Variants in VARS2 observed in about 807,000 individuals in gnomAD.
VARS2 encodes valine--tRNA ligase, mitochondrial.
In VARS2, 105 loss-of-function variants were observed where a neutral mutation model predicts 154.1. That is an observed-to-expected ratio of 0.68 (90% CI 0.58 to 0.80). VARS2 has a LOEUF of 0.80. Among genes scored for constraint, VARS2 ranks in the 30% least tolerant of loss-of-function variants. The probability of loss-of-function intolerance (pLI) is 0.00; values close to 1 mark genes in which losing one functional copy is unlikely to be tolerated. For missense variants in VARS2, 1,157 were observed against 1,361.4 expected, an observed-to-expected ratio of 0.85 and a Z score of 2.36; for synonymous variants, 483 against 539.5, an observed-to-expected ratio of 0.90 and a Z score of 1.45.
rs755655699 is a variant in VARS2 at position 30,925,971 on chromosome 6, C to T, written c.3053C>T (p.Pro1018Leu). 1.1e-5 allele frequency: 18 copies of T among 1,612,944 alleles called. No homozygotes were observed. Among genetic ancestry groups the T allele is most frequent in the African/African-American group, 2.7e-5 (2 of 74,912 alleles). Residue 1018 changes from proline to leucine, a missense_variant, in exon 29 of 30, where the codon CCA becomes CTA. By Grantham distance (98) the Pro-to-Leu change is moderately conservative. Transcript: ENST00000676266. ...KQLDSLTART[P>L]SEGEAGTQRQ... ...CTTGACAGCCTCACAGCCAGGACCC[C>T]ATCAGAAGGGGAGGCAGGGACTCAG... is the stretch of plus-strand genomic sequence containing the variant.
chr6:30,919,256 G>A lies in VARS2; in HGVS notation c.1074+341G>A. 1 of 230,692 alleles carries A rather than the reference G, an allele frequency of 4.3e-6. No homozygotes were observed. The allele number at this position is 230,692 out of a possible 1,614,324, so 14.3% of individuals were successfully genotyped here. Reference sequence around the variant, plus strand: ...GCCTCAGCCTCCTGAGTAGCTGGGAGCGTGGCACCATGCCCGGCACGTGCC... The same window carrying A: ...GCCTCAGCCTCCTGAGTAGCTGGGAACGTGGCACCATGCCCGGCACGTGCC... On this transcript the variant is annotated intron_variant, in intron 11 of 29. Coordinates refer to ENST00000676266, the MANE Select transcript of VARS2 (RefSeq NM_020442.6). This position sits in a 1 kb window ranked among gnomAD's most constrained non-coding sequence, Gnocchi z 4.5.
In VARS2 at chr6:30,917,505, G is replaced by A. The variant is rs1050935743; in HGVS notation, c.874-190G>A. 3.9e-5 allele frequency among the ~76,000 whole-genome samples: 6 copies of A among 152,286 alleles called. No individual in the cohort carries two copies. Among genetic ancestry groups the A allele is most frequent in the Non-Finnish European group, 5.9e-5 (4 of 68,052 alleles). On this transcript the variant is annotated intron_variant, in intron 9 of 29. Transcript: ENST00000676266. The surrounding 1 kb of genome is among the most constrained non-coding windows in gnomAD (Gnocchi z 4.4). ...TACCTGGCCATGGCTTAAGTGCTCA[G>A]TGAATATTTATTAGAAGTGTGACTG...
In VARS2 at chr6:30,917,204, T is replaced by A. The variant is rs1794233665; in HGVS notation, c.853T>A (p.Ser285Thr). 6.2e-7 allele frequency: 1 copy of A among 1,614,056 alleles called. No homozygotes were observed. The highest frequency in any genetic ancestry group is 1.3e-5 in the African/African-American group (1 of 74,928). The change falls in exon 9 of 30, where the codon TCA (serine) becomes ACA (threonine). Residue 285 changes from serine (S) to threonine (T), a missense_variant. Ser to Thr is a moderately conservative substitution (Grantham distance 58). Transcript: ENST00000676266. The surrounding 1 kb of genome is among the most constrained non-coding windows in gnomAD (Gnocchi z 4.4). ...TGTCAACTGGTCATGTGCTTTAAGA[T>A]CAGCCATCTCGGACATTGAGGTGAG... Reference protein sequence around the residue: ...QLVNWSCALRSAISDIEVENR... With the variant: ...QLVNWSCALRTAISDIEVENR...
chr6:30,917,320 A>C lies in VARS2; in HGVS notation c.873+96A>C. 6.3e-7 allele frequency: 1 copy of C among 1,585,162 alleles called. No individual in the cohort carries two copies. Among genetic ancestry groups the C allele is most frequent in the East Asian group, 2.2e-5 (1 of 44,606 alleles). ...CTCTGGAGCCAGGGTGCCTGGATTC[A>C]AATCTGATGCCTGCCTGTTACAGCT... On this transcript the variant is annotated intron_variant, in intron 9 of 29. Coordinates refer to ENST00000676266, the MANE Select transcript of VARS2 (RefSeq NM_020442.6). The surrounding 1 kb of genome is among the most constrained non-coding windows in gnomAD (Gnocchi z 4.4).
chr6:30,917,331 C>T lies in VARS2; in HGVS notation c.873+107C>T, dbSNP rs1794239358. On this transcript the variant is annotated intron_variant, in intron 9 of 29. Coordinates refer to ENST00000676266, the MANE Select transcript of VARS2 (RefSeq NM_020442.6). This position sits in a 1 kb window ranked among gnomAD's most constrained non-coding sequence, Gnocchi z 4.4. ...GGGTGCCTGGATTCAAATCTGATGC[C>T]TGCCTGTTACAGCTGTGTGGCTTTT... The T allele has an allele frequency of 1.3e-6, 2 of 1,555,236 alleles. No homozygotes were observed. Among genetic ancestry groups the T allele is most frequent in the African/African-American group, 2.7e-5 (2 of 73,780 alleles).
At position 30,922,076 on chromosome 6, in the gene VARS2, G is replaced by T. The variant is rs1039086429; in HGVS notation, c.1807-40G>T. 3.1e-6 allele frequency: 5 copies of T among 1,612,230 alleles called. No individual in the cohort carries two copies. In the African/African-American group the frequency reaches 5.3e-5, roughly 17 times the overall value. On this transcript the variant is annotated intron_variant, in intron 19 of 29. Transcript: ENST00000676266. ...GGGCCCCCACAGAGGCTTGAGGGGG[G>T]CCTGGGGCCTGGGCCTCTTACTGCT... is the stretch of plus-strand genomic sequence containing the variant.
chr6:30,916,951 A>G lies in VARS2; in HGVS notation c.745A>G (p.Met249Val). ...GGACTGGGATCGAGAGTGTTTTACC[A>G]TGGATGTTGTGAGTGTTCTGTGCCT... Reference protein sequence around the residue: ...SLDWDRECFTMDVGSSVAVTE... With the variant: ...SLDWDRECFTVDVGSSVAVTE... The change falls in exon 8 of 30, where the codon ATG (methionine) becomes GTG (valine). Residue 249 changes from methionine (M) to valine (V), a missense_variant. By Grantham distance (21) the Met-to-Val change is conservative. Coordinates refer to ENST00000676266, the MANE Select transcript of VARS2 (RefSeq NM_020442.6). This position sits in a 1 kb window ranked among gnomAD's most constrained non-coding sequence, Gnocchi z 4.0. The G allele has an allele frequency of 4.3e-6, 7 of 1,614,138 alleles. No homozygotes were observed. Among genetic ancestry groups the G allele is most frequent in the Non-Finnish European group, 5.9e-6 (7 of 1,180,038 alleles).
Position 30,921,800 on chromosome 6 carries a change from G to C in VARS2, c.1735+109G>C, listed in dbSNP as rs1794530665. 1 of 1,546,836 alleles carries C rather than the reference G, an allele frequency of 6.5e-7. No individual in the cohort carries two copies. The highest frequency in any genetic ancestry group is 1.4e-5 in the African/African-American group (1 of 73,286). On this transcript the variant is annotated intron_variant, in intron 18 of 29. Transcript: ENST00000676266. The surrounding 1 kb of genome is among the most constrained non-coding windows in gnomAD (Gnocchi z 4.6). ...CAGAAGGTAGGGTCAGGAAAGTTGG[G>C]AATGGAGCCAAAGGGGACAGCCCTG...
At chr6:30,918,737 T>G (rs775939248) in intron 10 of VARS2, 90 bp from the exon 11 acceptor site, 227 of 1,088,264 alleles carry the variant, frequency 2.1e-4, no homozygotes, top group Non-Finnish European at 3.0e-4. Context: ...CCCTGCCCCT[T>G]CCCCTTTCCA....
At position 30,923,173 on chromosome 6, in the gene VARS2, C is replaced by G. The variant is rs1794638324; in HGVS notation, c.2255C>G (p.Ala752Gly). Residue 752 changes from alanine (A) to glycine (G), a missense_variant, in exon 24 of 30, where the codon GCT becomes GGT. Ala to Gly is a moderately conservative substitution (Grantham distance 60). Coordinates refer to ENST00000676266, the MANE Select transcript of VARS2 (RefSeq NM_020442.6). ...CRHFCNKIWN[A>G]LRFILNALGE... ...CATTTCTGCAACAAGATCTGGAATG[C>G]TCTTCGCTTTATCCTCAATGCTTTA... 3 of 1,613,006 alleles carry G rather than the reference C, an allele frequency of 1.9e-6. No individual in the cohort carries two copies. The highest frequency in any genetic ancestry group is 1.6e-4 in the Middle Eastern group (1 of 6,084).
chr6:30,925,557 C>G lies in VARS2; in HGVS notation c.2799C>G (p.Ser933Arg), dbSNP rs1306552193. Residue 933 changes from serine (S) to arginine (R), a missense_variant, in exon 28 of 30, where the codon AGC becomes AGG. Physicochemically the swap from Ser to Arg is moderately radical, Grantham distance 110. Transcript: ENST00000676266. ...TKARPRVLLQ[S>R]SEPGDQGLFE... ...CTTTCTTTCCAGTGCTGCTGCAGAG[C>G]TCAGAGCCTGGGGACCAGGGCCTCT... 1.9e-6 allele frequency: 3 copies of G among 1,594,136 alleles called. No homozygotes were observed. Among genetic ancestry groups the G allele is most frequent in the Non-Finnish European group, 2.6e-6 (3 of 1,173,262 alleles).
Position 30,919,133 on chromosome 6 carries a change from T to G in VARS2, c.1074+218T>G. On this transcript the variant is annotated intron_variant, in intron 11 of 29. Transcript: ENST00000676266. This position sits in a 1 kb window ranked among gnomAD's most constrained non-coding sequence, Gnocchi z 4.5. ...TCCTAATCCAGCTTGCGGCCTTTTT[T>G]TTTGAGACAGAGTCTCGCTCTGTCA... 1 of 524,702 alleles carries G rather than the reference T, an allele frequency of 1.9e-6. No individual in the cohort carries two copies. Among genetic ancestry groups the G allele is most frequent in the Non-Finnish European group, 3.4e-6 (1 of 291,670 alleles). 32.5% of individuals were successfully genotyped at this position (524,702 alleles called of 1,614,324 possible). A position where few individuals can be genotyped will look rare whatever the true frequency, so the allele number is the denominator to read the frequency against.
In VARS2 at chr6:30,922,234, T is replaced by A. The variant is rs1422062718; in HGVS notation, c.1925T>A (p.Phe642Tyr). ...LGTQLTGQLPFSKVLLHPMVR... is the reference protein window; with the variant it reads ...LGTQLTGQLPYSKVLLHPMVR... ...ACCCAGCTCACAGGGCAGCTGCCCT[T>A]CAGCAAGGTAAGAGCCCTTCAGTGC... The change falls in exon 20 of 30, where the codon TTC becomes TAC. Residue 642 changes from phenylalanine to tyrosine, a missense_variant. Coordinates refer to ENST00000676266, the MANE Select transcript of VARS2 (RefSeq NM_020442.6). 6.2e-7 allele frequency: 1 copy of A among 1,611,458 alleles called. No individual in the cohort carries two copies. The highest frequency in any genetic ancestry group is 1.7e-5 in the Admixed American group (1 of 59,642).
rs760376000 is a variant in VARS2, at chr6:30,914,817, C to T, written c.-20C>T. On this transcript the variant is annotated 5_prime_UTR_variant, in exon 2 of 30. Coordinates refer to ENST00000676266, the MANE Select transcript of VARS2 (RefSeq NM_020442.6). ...TCTCTCTATCCAGAACAGATCTCGG[C>T]CCCTTTCCAAACACTCCTGATGCCT... 4 of 1,612,860 alleles carry T rather than the reference C, an allele frequency of 2.5e-6. No individual in the cohort carries two copies. The highest frequency in any genetic ancestry group is 1.3e-5 in the African/African-American group (1 of 74,936).
rs1794476158 is a variant in VARS2 at position 30,921,057 on chromosome 6, C to T, written c.1480-8C>T. ...GGCAACATTGTCTAAAGTCCCCTTTCTCTCCAGGCTGTGGAGTCGGGGGCC... is the reference window on the plus strand; with the variant it reads ...GGCAACATTGTCTAAAGTCCCCTTTTTCTCCAGGCTGTGGAGTCGGGGGCC... On this transcript the variant is annotated splice_polypyrimidine_tract_variant and splice_region_variant and intron_variant, in intron 15 of 29. Coordinates refer to ENST00000676266, the MANE Select transcript of VARS2 (RefSeq NM_020442.6). The surrounding 1 kb of genome is among the most constrained non-coding windows in gnomAD (Gnocchi z 4.6). 1 of 1,607,420 alleles carries T rather than the reference C, an allele frequency of 6.2e-7. No individual in the cohort carries two copies. The highest frequency in any genetic ancestry group is 1.3e-5 in the African/African-American group (1 of 74,848).
chr6:30,915,538 C>T, intron 4 of VARS2, 83 bp downstream of exon 4: 1 of 1,489,190 alleles, frequency 6.7e-7, no homozygotes, highest in South Asian at 1.2e-5. Context: ...GAGTTGAGCT[C>T]ACATTGTAGA....
rs572473514 is a variant in VARS2, at chr6:30,918,864, G to A, written c.1023G>A (p.Thr341=). 2.1e-5 allele frequency: 34 copies of A among 1,613,026 alleles called. No individual in the cohort carries two copies. The highest frequency in any genetic ancestry group is 2.7e-5 in the Non-Finnish European group (32 of 1,180,024). The change falls in exon 11 of 30, where the codon ACG becomes ACA. Residue 341 remains threonine, a synonymous_variant. Transcript: ENST00000676266. ...EVVVGTTRPE[T]LPGDVAVAVH... is the part of the protein sequence containing the mutation. The stretch of plus-strand genomic sequence containing the variant: ...TGGTAGGAACCACAAGGCCAGAGAC[G>A]CTGCCTGGAGATGTGGCTGTGGCCG...
rs2150568976 is a variant in VARS2, at chr6:30,924,516, GC to G, written c.2634del (p.Ser879AlafsTer35). ...GCCCCCCAGGCCTGGTTGCCCCCCT[GC>G]CCCCAGCATCTCGGTTGCCCCCTAC... ...RLPPRPGCPP[A>X]PSISVAPYPS... On this transcript the variant is annotated frameshift_variant, in exon 26 of 30. Transcript: ENST00000676266. LOFTEE classifies it high-confidence loss of function. 3 of 1,587,644 alleles carry G rather than the reference GC, an allele frequency of 1.9e-6. No homozygotes were observed. The highest frequency in any genetic ancestry group is 2.6e-6 in the Non-Finnish European group (3 of 1,163,438).
chr6:30,922,679 T>G, intron 21 of VARS2, 27 bp from the exon 22 acceptor site: 1 of 1,606,584 alleles, frequency 6.2e-7, no homozygotes, highest in Non-Finnish European at 8.5e-7. Flanking sequence ...TCGACCTGGG[T>G]CGTGAATTGC....
Sources: allele counts gnomAD v4.1 joint callset (sites outside exome capture counted in the v4.1 genomes callset), GRCh38; gene constraint gnomAD v4.1.1; non-coding constraint Gnocchi (gnomAD v3.1); transcripts MANE v1.5; gene names NCBI Gene and HGNC (gene_info 2026-07-23, HGNC 2026-07-21).